Variants in RNF213 observed in about 807,000 individuals in gnomAD.
RNF213 encodes E3 ubiquitin-protein ligase RNF213.
A neutral mutation model predicts 514.4 loss-of-function variants in RNF213; 341 were observed. The ratio of observed to expected loss-of-function variants is 0.66; its 90% CI spans 0.61 to 0.73. The LOEUF (loss-of-function observed/expected upper bound fraction) is 0.73. Ranked by LOEUF, RNF213 falls within the 30% of genes least tolerant of loss-of-function variation. The pLI, the probability that RNF213 is intolerant of heterozygous loss-of-function variation, is 0.00. For synonymous variants in RNF213, 2,655 were observed against 2,658.2 expected (o/e 1.00, Z 0.04); for missense variants, 5,767 against 6,615.6 (o/e 0.87, Z 4.45).
intron 11 of RNF213, among the ~76,000 whole-genome samples, chr17:80,299,679 C>T (rs538729090): frequency 6.6e-6 from 1 of 151,846 alleles, no homozygotes; most frequent in East Asian, 1.9e-4. Context: ...AGCCTAGTAC[C>T]CATTAGCTAT....
In RNF213 at chr17:80,375,787, T is replaced by C; in HGVS notation, c.13102T>C (p.Ser4368Pro). The change falls in exon 51 of 68, where the codon TCA (serine) becomes CCA (proline). Residue 4368 changes from serine (S) to proline (P), a missense_variant. Ser to Pro is a moderately conservative substitution (Grantham distance 74, BLOSUM62 -1). This residue lies in a region of RNF213 where 1,245 missense variants were observed against 1,339.0 expected (regional missense o/e 0.93). Coordinates refer to ENST00000582970, the MANE Select transcript of RNF213 (RefSeq NM_001256071.3). ...KACKTPQSQQ[S>P]AYFLLTLFRE... ...CTGCAAGACCCCCCAAAGCCAGCAG[T>C]CAGCCTACTTCCTGTTAACACTGTT... 1 of 1,614,124 alleles carries C rather than the reference T, an allele frequency of 6.2e-7. No homozygotes were observed. Among genetic ancestry groups the C allele is most frequent in the South Asian group, 1.1e-5 (1 of 91,084 alleles).
intron 25 of RNF213, among the ~76,000 whole-genome samples, chr17:80,338,720 G>T (rs542492632): frequency 6.6e-6 from 1 of 151,586 alleles, no homozygotes; most frequent in South Asian, 2.1e-4. Context: ...AGGCCGAGGC[G>T]GGCCTATCAC....
At chr17:80,387,693 G>A (rs111284234) in intron 63 of RNF213, among the ~76,000 whole-genome samples, 3,098 of 152,280 alleles carry the variant, frequency 0.02, 46 homozygotes, top group Non-Finnish European at 0.032. Context: ...CATGGCATAT[G>A]GGATAAAGCC....
In RNF213 at chr17:80,372,413, C is replaced by G. The variant is rs2079551774; in HGVS notation, c.12538-108C>G. On this transcript the variant is annotated intron_variant, in intron 47 of 67. Coordinates refer to ENST00000582970, the MANE Select transcript of RNF213 (RefSeq NM_001256071.3). ...AAATTTACACTGAAACCTACAGTAA[C>G]ATTCTTCTATCCTTCCTTCTCCACA... The G allele has an allele frequency of 3.7e-6, 3 of 801,698 alleles. No homozygotes were observed. In the South Asian group the frequency reaches 4.6e-5, roughly 12 times the overall value. The allele number at this position is 801,698 out of a possible 1,614,324, so 49.7% of individuals were successfully genotyped here. A position where few individuals can be genotyped will look rare whatever the true frequency, so the allele number is the denominator to read the frequency against.
intron 63 of RNF213, 67 bp downstream of exon 63, chr17:80,386,958 G>C: frequency 6.8e-7 from 1 of 1,466,750 alleles, no homozygotes; most frequent in East Asian, 2.4e-5. Flanking sequence ...CCCTTGGTGT[G>C]TTTCTCGAGA....
At chr17:80,299,475 G>T (rs1470878021) in intron 11 of RNF213, among the ~76,000 whole-genome samples, 1 of 152,086 alleles carries the variant, frequency 6.6e-6, no homozygotes, top group Non-Finnish European at 1.5e-5. Context: ...ATATAATCCT[G>T]ATCTCTGATT....
At chr17:80,381,412 C>A in intron 56 of RNF213, 135 bp from the exon 57 acceptor site, 1 of 892,710 alleles carries the variant, frequency 1.1e-6, no homozygotes, top group Non-Finnish European at 1.9e-6. Context: ...TCACCTGGAT[C>A]ACTCCGCCGT....
At chr17:80,350,198 G>T in intron 30 of RNF213, 103 bp from the exon 31 acceptor site, 1 of 825,712 alleles carries the variant, frequency 1.2e-6, no homozygotes. Context: ...TACCTGAGTA[G>T]CTGTTTCTTT....
intron 1 of RNF213, among the ~76,000 whole-genome samples, chr17:80,262,917 T>C (rs1344817482): frequency 6.6e-5 from 10 of 152,050 alleles, no homozygotes; most frequent in Non-Finnish European, 1.2e-4. Context: ...AGTTCTTTGG[T>C]TCCAAGCCAG....
In RNF213 at chr17:80,346,426, A is replaced by G; in HGVS notation, c.8091A>G (p.Leu2697=). The change falls in exon 29 of 68, where the codon TTA becomes TTG. Residue 2697 remains leucine (L), a synonymous_variant. Coordinates refer to ENST00000582970, the MANE Select transcript of RNF213 (RefSeq NM_001256071.3). This position sits in a 1 kb window ranked among gnomAD's most constrained non-coding sequence, Gnocchi z 8.1. ...TCGGGGTGTGTTACCATGCCTCTTT[A>G]GAAAAGAAAGACTCATATCGGAAAG... ...LAIGVCYHAS[L]EKKDSYRKAI... 1 of 1,613,448 alleles carries G rather than the reference A, an allele frequency of 6.2e-7. No homozygotes were observed. Among genetic ancestry groups the G allele is most frequent in the Non-Finnish European group, 8.5e-7 (1 of 1,180,010 alleles).
Position 80,345,333 on chromosome 17 carries a change from T to A in RNF213, c.6998T>A (p.Ile2333Asn). Reference sequence around the variant, plus strand: ...AACATCAACGGCAGTGTCGATGCCATCAGTCACTTGACTGGGAAGGTCATC... The same window carrying A: ...AACATCAACGGCAGTGTCGATGCCAACAGTCACTTGACTGGGAAGGTCATC... ...QPNINGSVDA[I>N]SHLTGKVIKR... Residue 2333 changes from isoleucine (I) to asparagine (N), a missense_variant, in exon 29 of 68, where the codon ATC (isoleucine) becomes AAC (asparagine). Physicochemically the swap from Ile to Asn is moderately radical, Grantham distance 149. Around this residue, in one of 13 missense-constraint regions of RNF213, gnomAD observed 1,377 missense variants for 1,635.2 expected, o/e 0.84. Coordinates refer to ENST00000582970, the MANE Select transcript of RNF213 (RefSeq NM_001256071.3). The surrounding 1 kb of genome is among the most constrained non-coding windows in gnomAD (Gnocchi z 6.0). The A allele has an allele frequency of 6.2e-7, 1 of 1,614,078 alleles. No homozygotes were observed. Among genetic ancestry groups the A allele is most frequent in the Non-Finnish European group, 8.5e-7 (1 of 1,180,016 alleles).
rs767418198 is a variant in RNF213, at chr17:80,289,788, GAGA to G, written c.1066_1068del (p.Lys356del). 4 of 1,613,384 alleles carry G rather than the reference GAGA, an allele frequency of 2.5e-6. No homozygotes were observed. Among genetic ancestry groups the G allele is most frequent in the East Asian group, 2.2e-5 (1 of 44,874 alleles). On this transcript the variant is annotated inframe_deletion, in exon 6 of 68. Transcript: ENST00000582970. ...CAGAAGTGCAGCTGCTGTGAAAAAC[GAGA>G]AGGAGCAAAAAAACCAGGAAGCAGA... is the stretch of plus-strand genomic sequence containing the variant.
intron 10 of RNF213, among the ~76,000 whole-genome samples, chr17:80,297,449 CAA>C (rs763957997): frequency 4.0e-5 from 5 of 123,636 alleles, no homozygotes; most frequent in East Asian, 2.3e-4. Flanking sequence ...GACTTCATCT[CAA>C]AAAAAAAAAA....
In RNF213 at chr17:80,354,424, T is replaced by C; in HGVS notation, c.10727-17T>C. ...CAGCCACGGCCATGCTGAACGTCTG[T>C]TTCTGCCTTTGTACAGCCTCTTTCT... is the stretch of plus-strand genomic sequence containing the variant. On this transcript the variant is annotated splice_polypyrimidine_tract_variant and intron_variant, in intron 35 of 67. Coordinates refer to ENST00000582970, the MANE Select transcript of RNF213 (RefSeq NM_001256071.3). The C allele has an allele frequency of 1.9e-6, 3 of 1,614,214 alleles. No homozygotes were observed. Among genetic ancestry groups the C allele is most frequent in the Non-Finnish European group, 2.5e-6 (3 of 1,180,034 alleles).
rs776390356 is a variant in RNF213 at position 80,346,154 on chromosome 17, C to T, written c.7819C>T (p.Leu2607=). The T allele has an allele frequency of 1.2e-6, 2 of 1,614,028 alleles. No individual in the cohort carries two copies. Among genetic ancestry groups the T allele is most frequent in the African/African-American group, 1.3e-5 (1 of 74,914 alleles). The change falls in exon 29 of 68, where the codon CTA becomes TTA. Residue 2607 remains leucine (L), a synonymous_variant. Coordinates refer to ENST00000582970, the MANE Select transcript of RNF213 (RefSeq NM_001256071.3). The surrounding 1 kb of genome is among the most constrained non-coding windows in gnomAD (Gnocchi z 8.1). Reference sequence around the variant, plus strand: ...CCAGAGACTGGTTGAGTCCATCAGCCTAGATGAAAACGGGACTCGCGTGAT... The same window carrying T: ...CCAGAGACTGGTTGAGTCCATCAGCTTAGATGAAAACGGGACTCGCGTGAT... ...IVQRLVESIS[L]DENGTRVITE...
At chr17:80,374,945 A>G (rs1042880175) in intron 50 of RNF213, 2 of 324,050 alleles carry the variant, frequency 6.2e-6, no homozygotes, top group Admixed American at 8.2e-5. Flanking sequence ...AGCAAAATTC[A>G]TACCTAGATG....
At chr17:80,272,670 A>G (rs766874565) in intron 2 of RNF213, among the ~76,000 whole-genome samples, 6 of 152,156 alleles carry the variant, frequency 3.9e-5, no homozygotes, top group Non-Finnish European at 5.9e-5. Context: ...GGATGGACAA[A>G]GTGCGTCCAC....
chr17:80,336,600 G>A, intron 23 of RNF213: 1 of 602,514 alleles, frequency 1.7e-6, no homozygotes, highest in South Asian at 1.7e-5. Context: ...TCTCTAAGGT[G>A]CAAAACACAC....
intron 55 of RNF213, among the ~76,000 whole-genome samples, chr17:80,380,074 C>T (rs545160103): frequency 5.8e-4 from 88 of 152,330 alleles, no homozygotes; most frequent in African/African-American, 1.9e-3. Context: ...CCTGGGCATC[C>T]GTCTGTCTCA....
Sources: allele counts gnomAD v4.1 joint callset (sites outside exome capture counted in the v4.1 genomes callset), GRCh38; gene constraint gnomAD v4.1.1; regional missense constraint gnomAD v4.1.1; non-coding constraint Gnocchi (gnomAD v3.1); transcripts MANE v1.5; gene names NCBI Gene and HGNC (gene_info 2026-07-23, HGNC 2026-07-21).